The following MPDZ variants were observed in gnomAD, a reference collection of about 807,000 sequenced individuals.
MPDZ encodes multiple PDZ domain crumbs cell polarity complex component, also known as multiple PDZ domain protein.
In MPDZ, 234 loss-of-function variants were observed where a neutral mutation model predicts 239.1. The ratio of observed to expected loss-of-function variants is 0.98; its 90% CI spans 0.88 to 1.09. The LOEUF (loss-of-function observed/expected upper bound fraction) is 1.09. MPDZ is among the 50% of genes least tolerant of loss of function. The probability of loss-of-function intolerance (pLI) is 0.00; values close to 1 mark genes in which losing one functional copy is unlikely to be tolerated. For missense variants in MPDZ, 3,175 were observed against 2,510.0 expected (o/e 1.26, Z -5.66); for synonymous variants, 1,048 against 881.3 (o/e 1.19, Z -3.35).
chr9:13,160,869 T>TATATATATATATATATAA (rs1554669676), intron 23 of MPDZ, among the ~76,000 whole-genome samples: 2 of 127,792 alleles, frequency 1.6e-5, no homozygotes, highest in South Asian at 2.6e-4. Flanking sequence ...TATATATATA[T>TATATATATATATATATAA]AAAACAGGTA....
chr9:13,192,249 T>C lies in MPDZ; in HGVS notation c.1850A>G (p.Asn617Ser), dbSNP rs1286459952. Residue 617 changes from asparagine to serine, a missense_variant, in exon 15 of 47, where the codon AAT (asparagine) becomes AGT (serine). Physicochemically the swap from Asn to Ser is conservative, Grantham distance 46 (BLOSUM62 1). Coordinates refer to ENST00000319217, the MANE Select transcript of MPDZ (RefSeq NM_001378778.1). ...LLGENHQDVV[N>S]ILKELPIEVT... ...TTCTATAGGCAGTTCTTTTAAGATA[T>C]TCACCACATCTTGGTGATTTTCCCC... 4 of 1,605,406 alleles carry C rather than the reference T, an allele frequency of 2.5e-6. No individual in the cohort carries two copies. The highest frequency in any genetic ancestry group is 3.4e-6 in the Non-Finnish European group (4 of 1,175,180).
chr9:13,214,855 AG>A (rs1428656867), intron 10 of MPDZ, among the ~76,000 whole-genome samples: 1 of 151,936 alleles, frequency 6.6e-6, no homozygotes, highest in East Asian at 1.9e-4. Flanking sequence ...TCTTTAGTGT[AG>A]ATCTGAAGAG....
At chr9:13,240,863 A>G (rs1383130174) in intron 3 of MPDZ, among the ~76,000 whole-genome samples, 1 of 152,126 alleles carries the variant, frequency 6.6e-6, no homozygotes, top group Non-Finnish European at 1.5e-5. Flanking sequence ...AGGTTAAAAA[A>G]AACTCATTTA....
intron 32 of MPDZ, 72 bp downstream of exon 32, chr9:13,133,752 G>T: frequency 9.1e-7 from 1 of 1,101,950 alleles, no homozygotes; most frequent in South Asian, 1.4e-5. Context: ...CCACACTTTT[G>T]AGAACACAGT....
At chr9:13,205,718 T>C (rs1356144483) in intron 11 of MPDZ, among the ~76,000 whole-genome samples, 198 bp downstream of exon 11, 2 of 152,186 alleles carry the variant, frequency 1.3e-5, no homozygotes, top group Non-Finnish European at 2.9e-5. Context: ...CTCCATAGTT[T>C]ATAAACACAT....
At chr9:13,113,166 T>TCC in intron 41 of MPDZ, 112 bp from the exon 42 acceptor site, 1 of 884,912 alleles carries the variant, frequency 1.1e-6, no homozygotes, top group Non-Finnish European at 1.7e-6. Context: ...TTTCTTTTTT[T>TCC]AAGGGGGTGC....
chr9:13,262,816 A>G (rs1970989290), intron 1 of MPDZ, among the ~76,000 whole-genome samples: 1 of 152,190 alleles, frequency 6.6e-6, no homozygotes, highest in African/African-American at 2.4e-5. Context: ...CAATAATGAA[A>G]TGGAGATTTA....
intron 46 of MPDZ, among the ~76,000 whole-genome samples, chr9:13,108,550 A>G: frequency 6.6e-6 from 1 of 152,244 alleles, no homozygotes; most frequent in East Asian, 1.9e-4. Flanking sequence ...TAACTATTTT[A>G]TATTTCACAA....
At chr9:13,265,383 AAT>A (rs2138970109) in intron 1 of MPDZ, among the ~76,000 whole-genome samples, 1 of 152,296 alleles carries the variant, frequency 6.6e-6, no homozygotes, top group Non-Finnish European at 1.5e-5. Context: ...AAGCCTGACC[AAT>A]ATGGAGAAAT....
At chr9:13,114,825 G>A (rs889674111) in intron 40 of MPDZ, among the ~76,000 whole-genome samples, 5 of 151,976 alleles carry the variant, frequency 3.3e-5, no homozygotes, top group South Asian at 2.1e-4. Context: ...TACTTCGCCC[G>A]GGAGGCGAAG....
At chr9:13,206,493 A>G (rs778082297) in intron 10 of MPDZ, among the ~76,000 whole-genome samples, 2 of 151,124 alleles carry the variant, frequency 1.3e-5, no homozygotes, top group African/African-American at 2.4e-5. Flanking sequence ...GGCTCAAGCG[A>G]TCCTCTCATC....
rs563137230 is a variant in MPDZ at position 13,249,595 on chromosome 9, G to A, written c.16+705C>T. The stretch of plus-strand genomic sequence containing the variant: ...CCGACATCAAGGTATCTGCCATAAT[G>A]ATTAAGGTGCCAGAGTGAAATCCAA... On this transcript the variant is annotated intron_variant, in intron 2 of 46. Transcript: ENST00000319217. Among the ~76,000 whole-genome samples the A allele has an allele frequency of 3.9e-5, 6 of 152,232 alleles. No homozygotes were observed. In the South Asian group the frequency reaches 1.2e-3, roughly 32 times the overall value.
intron 2 of MPDZ, among the ~76,000 whole-genome samples, chr9:13,249,364 C>T (rs1358412453): frequency 6.6e-6 from 1 of 152,084 alleles, no homozygotes; most frequent in African/African-American, 2.4e-5. Context: ...TTTCCACTTT[C>T]CTATTAAGAA....
At chr9:13,148,696 G>T (rs942824746) in intron 25 of MPDZ, among the ~76,000 whole-genome samples, 17 of 123,650 alleles carry the variant, frequency 1.4e-4, no homozygotes, top group Admixed American at 2.4e-4. Context: ...AATTATCTTT[G>T]CTCAAGACCA....
At position 13,122,177 on chromosome 9, in the gene MPDZ, GC is replaced by G. The variant is rs1329368629; in HGVS notation, c.4954-8del. The G allele has an allele frequency of 3.1e-6, 5 of 1,613,188 alleles. No individual in the cohort carries two copies. Among genetic ancestry groups the G allele is most frequent in the African/African-American group, 2.7e-5 (2 of 74,864 alleles). ...CATGGATAATAATGGCACCCTAAGG[GC>G]CCAAACAAAACATACCCATACTTAT... On this transcript the variant is annotated splice_region_variant and splice_polypyrimidine_tract_variant and intron_variant, in intron 36 of 46. Transcript: ENST00000319217.
intron 46 of MPDZ, among the ~76,000 whole-genome samples, chr9:13,107,503 G>C (rs1941678010): frequency 6.6e-6 from 1 of 152,140 alleles, no homozygotes; most frequent in Non-Finnish European, 1.5e-5. Flanking sequence ...AAAGGATTAG[G>C]TAGGAACAAA....
chr9:13,181,525 T>A (rs551457704), intron 19 of MPDZ, among the ~76,000 whole-genome samples: 1 of 151,950 alleles, frequency 6.6e-6, no homozygotes, highest in South Asian at 2.1e-4. Flanking sequence ...CACACAGGAG[T>A]TTCACAATGT....
In MPDZ at chr9:13,186,563, T is replaced by C. The variant is rs1954135147; in HGVS notation, c.2365-177A>G. On this transcript the variant is annotated intron_variant, in intron 17 of 46. Coordinates refer to ENST00000319217, the MANE Select transcript of MPDZ (RefSeq NM_001378778.1). ...TAAGTATGCAATCTGATATTCATAT[T>C]TGACATTCATTTGATAAGACACAAT... Among the ~76,000 whole-genome samples the C allele has an allele frequency of 2.0e-5, 3 of 152,276 alleles. No individual in the cohort carries two copies. In the South Asian group the frequency reaches 6.2e-4, roughly 32 times the overall value.
rs924713741 is a variant in MPDZ at position 13,279,406 on chromosome 9, C to G, written c.-64G>C. 1.4e-5 allele frequency: 2 copies of G among 146,864 alleles called. No homozygotes were observed. The highest frequency in any genetic ancestry group is 2.0e-4 in the East Asian group (1 of 4,906). The allele number at this position is 146,864 out of a possible 1,614,324, so 9.1% of individuals were successfully genotyped here. A position where few individuals can be genotyped will look rare whatever the true frequency, so the allele number is the denominator to read the frequency against. On this transcript the variant is annotated 5_prime_UTR_variant, in exon 1 of 47. Transcript: ENST00000319217. Reference sequence around the variant, plus strand: ...GGGCTCAAGCGCCGCTTACCCGGCTCGCGGCGCCCGCCCAGGGCCGCGACG... The same window carrying G: ...GGGCTCAAGCGCCGCTTACCCGGCTGGCGGCGCCCGCCCAGGGCCGCGACG...
Sources: allele counts gnomAD v4.1 joint callset (sites outside exome capture counted in the v4.1 genomes callset), GRCh38; gene constraint gnomAD v4.1.1; transcripts MANE v1.5; gene names NCBI Gene and HGNC (gene_info 2026-07-23, HGNC 2026-07-21).